Variants in ASPG observed in about 807,000 individuals in gnomAD.
ASPG encodes asparaginase.
ASPG carries 53 observed loss-of-function variants against 63.2 expected under a neutral mutation model. The ratio of observed to expected loss-of-function variants is 0.84; its 90% CI spans 0.67 to 1.05. ASPG has a LOEUF of 1.05. Among genes scored for constraint, ASPG ranks in the 50% least tolerant of loss-of-function variants. The pLI, the probability that ASPG is intolerant of heterozygous loss-of-function variation, is 0.00. For synonymous variants in ASPG, 370 were observed against 355.0 expected, an observed-to-expected ratio of 1.04 and a Z score of -0.48; for missense variants, 741 against 794.4, an observed-to-expected ratio of 0.93 and a Z score of 0.81.
At chr14:104,090,234 G>A (rs915931065) in intron 1 of ASPG, among the ~76,000 whole-genome samples, 1 of 152,186 alleles carries the variant, frequency 6.6e-6, no homozygotes, top group Non-Finnish European at 1.5e-5. Flanking sequence ...CCATATCCAC[G>A]CCTACCACTC....
chr14:104,108,480 C>G, intron 12 of ASPG: 4 of 985,440 alleles, frequency 4.1e-6, no homozygotes, highest in Non-Finnish European at 4.8e-6. Flanking sequence ...CCTGGCCCTG[C>G]TGTGCCTGAG....
chr14:104,103,171 C>T (rs1278818273), intron 6 of ASPG, among the ~76,000 whole-genome samples: 5 of 152,260 alleles, frequency 3.3e-5, no homozygotes, highest in Admixed American at 6.5e-5. Context: ...CTCGCCTCTG[C>T]GCTCGCCTGA....
chr14:104,099,442 G>T (rs1744288), intron 6 of ASPG, among the ~76,000 whole-genome samples: 20,378 of 152,182 alleles, frequency 0.13, 2,002 homozygotes, highest in East Asian at 0.35. Context: ...GCTTCCCCCT[G>T]GGGGGGCCAA....
intron 6 of ASPG, among the ~76,000 whole-genome samples, chr14:104,100,214 G>A (rs1407463507): frequency 6.6e-6 from 1 of 152,206 alleles, no homozygotes. Context: ...TTCAGGGCCT[G>A]GCATGAGGGG....
Position 104,110,574 on chromosome 14 carries a change from G to A in ASPG, c.1521-928G>A, listed in dbSNP as rs1566843301. ...GCTAGGCCTTCCTAGGGGCCGGTGT[G>A]TGTGTGGGGCTTGGCCTCTTGGAGC... On this transcript the variant is annotated intron_variant, in intron 13 of 15. Transcript: ENST00000551177. The surrounding 1 kb of genome is among the most constrained non-coding windows in gnomAD (Gnocchi z 4.7). The A allele has an allele frequency of 1.0e-6, 1 of 985,218 alleles. No individual in the cohort carries two copies. The highest frequency in any genetic ancestry group is 6.1e-5 in the Admixed American group (1 of 16,272). 61.0% of individuals were successfully genotyped at this position (985,218 alleles called of 1,614,324 possible).
At chr14:104,102,510 G>T (rs2141024756) in intron 6 of ASPG, among the ~76,000 whole-genome samples, 1 of 152,282 alleles carries the variant, frequency 6.6e-6, no homozygotes, top group Admixed American at 6.5e-5. Context: ...CTGGGCCTCG[G>T]TTTTCCTGGG....
Position 104,112,728 on chromosome 14 carries a change from GCT to G in ASPG, c.*187_*188del. ...CCCCTCACCAGGTCTGTACAGCCTG[GCT>G]CTGAGAGGCTCTGTCTGGGTCCGGG... On this transcript the variant is annotated 3_prime_UTR_variant, in exon 16 of 16. Coordinates refer to ENST00000551177, the MANE Select transcript of ASPG (RefSeq NM_001080464.3). 7.5e-7 allele frequency: 1 copy of G among 1,329,006 alleles called. No homozygotes were observed. Among genetic ancestry groups the G allele is most frequent in the Non-Finnish European group, 1.0e-6 (1 of 977,564 alleles). 82.3% of individuals were successfully genotyped at this position (1,329,006 alleles called of 1,614,324 possible).
At chr14:104,108,902 G>C in intron 12 of ASPG, 1 of 985,400 alleles carries the variant, frequency 1.0e-6, no homozygotes, top group Non-Finnish European at 1.2e-6. Flanking sequence ...ACTGCCCTGG[G>C]AGGAGCTATT....
At chr14:104,097,698 AG>A (rs2141004503) in intron 5 of ASPG, 61 bp downstream of exon 5, 2 of 1,500,804 alleles carry the variant, frequency 1.3e-6, no homozygotes, top group East Asian at 4.9e-5. Flanking sequence ...CCCAGACAGC[AG>A]CCAGGAAACA....
chr14:104,105,563 C>A, intron 10 of ASPG, 113 bp downstream of exon 10: 1 of 1,366,800 alleles, frequency 7.3e-7, no homozygotes, highest in Non-Finnish European at 9.7e-7. Context: ...CGAGCCCAAA[C>A]AGTTAGGCAC....
At chr14:104,111,748 C>T (rs2037390670) in intron 14 of ASPG, 147 bp downstream of exon 14, 1 of 896,500 alleles carries the variant, frequency 1.1e-6, no homozygotes, top group Non-Finnish European at 1.7e-6. Context: ...CCCGCACAGA[C>T]TGGGTCCCCT....
At position 104,093,617 on chromosome 14, in the gene ASPG, G is replaced by C. The variant is rs770107058; in HGVS notation, c.303+15G>C. Reference sequence around the variant, plus strand: ...AGACCATCAAGGTAGTGGGGCTGGGGAATGCTGGGTGGGGCTGTGGTGTGT... The same window carrying C: ...AGACCATCAAGGTAGTGGGGCTGGGCAATGCTGGGTGGGGCTGTGGTGTGT... On this transcript the variant is annotated intron_variant, in intron 3 of 15. Coordinates refer to ENST00000551177, the MANE Select transcript of ASPG (RefSeq NM_001080464.3). The C allele has an allele frequency of 4.3e-5, 64 of 1,494,174 alleles. No individual in the cohort carries two copies. The highest frequency in any genetic ancestry group is 5.5e-5 in the Non-Finnish European group (60 of 1,092,700). 92.6% of individuals were successfully genotyped at this position (1,494,174 alleles called of 1,614,324 possible).
Position 104,109,106 on chromosome 14 carries a change from G to C in ASPG, c.1434-123G>C. 6.6e-7 allele frequency: 1 copy of C among 1,510,096 alleles called. No homozygotes were observed. The highest frequency in any genetic ancestry group is 2.5e-5 in the East Asian group (1 of 40,496). The allele number at this position is 1,510,096 out of a possible 1,614,324, so 93.5% of individuals were successfully genotyped here. A position where few individuals can be genotyped will look rare whatever the true frequency, so the allele number is the denominator to read the frequency against. Reference sequence around the variant, plus strand: ...GGCCCTTGTCTGAGGCTAGGGCTGTGGGGTCTTGGGCCGGCCGGTCCCCGT... The same window carrying C: ...GGCCCTTGTCTGAGGCTAGGGCTGTCGGGTCTTGGGCCGGCCGGTCCCCGT... On this transcript the variant is annotated intron_variant, in intron 12 of 15. Coordinates refer to ENST00000551177, the MANE Select transcript of ASPG (RefSeq NM_001080464.3). This position sits in a 1 kb window ranked among gnomAD's most constrained non-coding sequence, Gnocchi z 4.8.
chr14:104,101,157 C>T (rs1014402303), intron 6 of ASPG, among the ~76,000 whole-genome samples: 6 of 152,142 alleles, frequency 3.9e-5, no homozygotes, highest in Admixed American at 1.3e-4. Flanking sequence ...TTCCCACGTG[C>T]GTGTGGGTGT....
In ASPG at chr14:104,107,231, C is replaced by T. The variant is rs780324026; in HGVS notation, c.1319C>T (p.Ala440Val). ...VDFNGQTPLHAAARGGHTEAV... is the reference protein window; with the variant it reads ...VDFNGQTPLHVAARGGHTEAV... ...TTTAACGGCCAAACCCCACTGCACG[C>T]GGCCGCCCGGGGAGGCCACACAGAG... Residue 440 changes from alanine (A) to valine (V), a missense_variant, in exon 12 of 16, where the codon GCG (alanine) becomes GTG (valine). Physicochemically the swap from Ala to Val is moderately conservative, Grantham distance 64. Transcript: ENST00000551177. The T allele has an allele frequency of 2.4e-5, 38 of 1,604,882 alleles. No homozygotes were observed. Among genetic ancestry groups the T allele is most frequent in the Middle Eastern group, 1.7e-4 (1 of 6,030 alleles).
At chr14:104,099,916 C>T (rs1366796356) in intron 6 of ASPG, among the ~76,000 whole-genome samples, 2 of 152,234 alleles carry the variant, frequency 1.3e-5, no homozygotes, top group African/African-American at 2.4e-5. Flanking sequence ...GGCTGCCTGC[C>T]CAGGACCAAA....
Position 104,095,544 on chromosome 14 carries a change from A to T in ASPG, c.317A>T (p.Gln106Leu). The T allele has an allele frequency of 6.2e-7, 1 of 1,613,030 alleles. No individual in the cohort carries two copies. Among genetic ancestry groups the T allele is most frequent in the Non-Finnish European group, 8.5e-7 (1 of 1,179,756 alleles). ...LAQTIKRHYE[Q>L]YHGFVVIHGT... ...CCCCTCCTGCAGAGGCACTACGAGC[A>T]GTACCACGGCTTTGTGGTCATCCAC... The change falls in exon 4 of 16, where the codon CAG becomes CTG. Residue 106 changes from glutamine to leucine, a missense_variant. Coordinates refer to ENST00000551177, the MANE Select transcript of ASPG (RefSeq NM_001080464.3).
At chr14:104,100,482 G>A (rs1216768787) in intron 6 of ASPG, among the ~76,000 whole-genome samples, 6 of 152,324 alleles carry the variant, frequency 3.9e-5, no homozygotes, top group African/African-American at 1.2e-4. Flanking sequence ...GAGGCAGAGA[G>A]AGGCAGGCTC....
In ASPG at chr14:104,091,921, T is replaced by C. The variant is rs1011114808; in HGVS notation, c.83-712T>C. Among the ~76,000 whole-genome samples, 13 of 151,824 alleles carry C rather than the reference T, an allele frequency of 8.6e-5. No homozygotes were observed. The highest frequency in any genetic ancestry group is 7.2e-4 in the Admixed American group (11 of 15,258). On this transcript the variant is annotated intron_variant, in intron 1 of 15. Coordinates refer to ENST00000551177, the MANE Select transcript of ASPG (RefSeq NM_001080464.3). The surrounding 1 kb of genome is among the most constrained non-coding windows in gnomAD (Gnocchi z 6.4). ...AGCTGGCCCCAGGGAATGAGTGGTG[T>C]GGCCAGGTCTCCATTTAAGGGACAG...
Sources: gnomAD v4.1 joint callset for allele counts (sites outside exome capture counted in the v4.1 genomes callset) on GRCh38, gnomAD v4.1.1 for gene constraint, Gnocchi (gnomAD v3.1) non-coding constraint, MANE v1.5 for transcripts, NCBI Gene and HGNC (gene_info 2026-07-23, HGNC 2026-07-21) for gene names.